Variants in WDR27 observed in about 807,000 individuals in gnomAD.
WDR27 encodes the protein WD repeat domain 27.
Under a neutral mutation model 114.4 loss-of-function variants are expected in WDR27, and 100 were observed. The ratio of observed to expected loss-of-function variants is 0.87; its 90% CI spans 0.74 to 1.03. The LOEUF (loss-of-function observed/expected upper bound fraction) is 1.03. WDR27 is among the 50% of genes least tolerant of loss of function. The pLI is 0.00. For missense variants in WDR27, 1,129 were observed against 1,092.9 expected, an observed-to-expected ratio of 1.03 and a Z score of -0.47; for synonymous variants, 449 against 423.1, an observed-to-expected ratio of 1.06 and a Z score of -0.75.
intron 9 of WDR27, among the ~76,000 whole-genome samples, chr6:169,661,039 C>T (rs1013327246): frequency 6.6e-6 from 1 of 152,138 alleles, no homozygotes; most frequent in Non-Finnish European, 1.5e-5. Context: ...CCTGGCCTGG[C>T]TGTGAGCTCT....
intron 25 of WDR27, among the ~76,000 whole-genome samples, chr6:169,465,629 A>G (rs1785484295): frequency 6.6e-6 from 1 of 152,248 alleles, no homozygotes; most frequent in Non-Finnish European, 1.5e-5. Context: ...AACAGCTAAA[A>G]CATGGAGGCA....
intron 25 of WDR27, among the ~76,000 whole-genome samples, chr6:169,490,949 A>G (rs1472235897): frequency 6.6e-6 from 1 of 152,130 alleles, no homozygotes; most frequent in Non-Finnish European, 1.5e-5. Flanking sequence ...CCCCAATGCC[A>G]CACCCTACTT....
At position 169,611,481 on chromosome 6, in the gene WDR27, T is replaced by C. The variant is rs550282129; in HGVS notation, c.2321+2078A>G. ...CCACCACACCTGGATAATTATCGTA[T>C]TTTTAGTAGAGATGCGGTTTCACCA... is the stretch of plus-strand genomic sequence containing the variant. On this transcript the variant is annotated intron_variant, in intron 22 of 25. Coordinates refer to ENST00000448612, the MANE Select transcript of WDR27 (RefSeq NM_182552.5). Among the ~76,000 whole-genome samples the C allele has an allele frequency of 2.0e-5, 3 of 152,062 alleles. No individual in the cohort carries two copies. In the South Asian group the frequency reaches 6.3e-4, roughly 32 times the overall value.
Position 169,459,556 on chromosome 6 carries a change from TATATAAATGTATAC to T in WDR27, c.2646-1936_2646-1923del, listed in dbSNP as rs771956103. ...ATGTATATATATACATTTATATATG[TATATAAATGTATAC>T]ATATAAATGTATATCCAAGAAGTTC... is the stretch of plus-strand genomic sequence containing the variant. On this transcript the variant is annotated intron_variant, in intron 25 of 25. Transcript: ENST00000448612. 4.1e-4 allele frequency among the ~76,000 whole-genome samples: 62 copies of T among 151,680 alleles called. 1 individual carries two copies. The highest frequency in any genetic ancestry group is 2.8e-4 in the Non-Finnish European group (19 of 67,912).
chr6:169,514,614 T>C (rs968265308), intron 25 of WDR27, among the ~76,000 whole-genome samples: 2 of 148,260 alleles, frequency 1.3e-5, no homozygotes, highest in Non-Finnish European at 3.0e-5. Flanking sequence ...AATTTTTTAA[T>C]AAAAAATGAT....
At chr6:169,494,898 A>C (rs1456441643) in intron 25 of WDR27, among the ~76,000 whole-genome samples, 1 of 152,210 alleles carries the variant, frequency 6.6e-6, no homozygotes, top group Non-Finnish European at 1.5e-5. Context: ...TCCAGTCAAC[A>C]CTGTTTTTCA....
At chr6:169,488,941 GC>G (rs201164503) in intron 25 of WDR27, among the ~76,000 whole-genome samples, 1 of 121,658 alleles carries the variant, frequency 8.2e-6, no homozygotes, top group East Asian at 2.0e-4. Flanking sequence ...CACATTTGAT[GC>G]CCCCTTTTTT....
chr6:169,538,744 T>TTA lies in WDR27; in HGVS notation c.2645+33673_2645+33674dup, dbSNP rs138847890. On this transcript the variant is annotated intron_variant, in intron 25 of 25. Coordinates refer to ENST00000448612, the MANE Select transcript of WDR27 (RefSeq NM_182552.5). ...CACACACACACACACACAAACACACTTATATATATATATGTGCATGTATAT... is the reference window on the plus strand; with the variant it reads ...CACACACACACACACACAAACACACTTATATATATATATATGTGCATGTATAT... Among the ~76,000 whole-genome samples, 126 of 132,324 alleles carry TTA rather than the reference T, an allele frequency of 9.5e-4. 1 individual carries two copies. Among genetic ancestry groups the TTA allele is most frequent in the Admixed American group, 5.7e-3 (67 of 11,738 alleles). The allele number at this position is 132,324 out of a possible 152,430, so 86.8% of individuals were successfully genotyped here. A position where few individuals can be genotyped will look rare whatever the true frequency, so the allele number is the denominator to read the frequency against.
chr6:169,514,641 T>A (rs1793391770), intron 25 of WDR27, among the ~76,000 whole-genome samples: 1 of 148,456 alleles, frequency 6.7e-6, no homozygotes, highest in South Asian at 2.1e-4. Flanking sequence ...AATCCCTCAA[T>A]ATTTTAAAAG....
At chr6:169,613,027 T>C (rs1297555287) in intron 22 of WDR27, among the ~76,000 whole-genome samples, 1 of 152,246 alleles carries the variant, frequency 6.6e-6, no homozygotes, top group Non-Finnish European at 1.5e-5. Context: ...AAAACTAAGG[T>C]GCTTTCTAAC....
At chr6:169,462,168 G>A (rs890162341) in intron 25 of WDR27, among the ~76,000 whole-genome samples, 1 of 151,788 alleles carries the variant, frequency 6.6e-6, no homozygotes. Context: ...AAAAATCTTA[G>A]GCTGGGCACG....
rs146216281 is a variant in WDR27, at chr6:169,641,093, G to C, written c.1748-2433C>G. 2.3e-3 allele frequency among the ~76,000 whole-genome samples: 344 copies of C among 152,328 alleles called. 1 individual carries two copies. Among genetic ancestry groups the C allele is most frequent in the African/African-American group, 7.9e-3 (330 of 41,572 alleles). On this transcript the variant is annotated intron_variant, in intron 17 of 25. Transcript: ENST00000448612. ...GCCAGCAGAGGCACCGGCAATGCAG[G>C]GGTTGCGAAGTGCCACCTTCTGCTC...
At chr6:169,500,659 C>G (rs145958645) in intron 25 of WDR27, among the ~76,000 whole-genome samples, 1 of 152,272 alleles carries the variant, frequency 6.6e-6, no homozygotes, top group Non-Finnish European at 1.5e-5. Flanking sequence ...GTATGGCTGC[C>G]CAGTGCTAGG....
At chr6:169,466,122 A>G (rs1785549862) in intron 25 of WDR27, among the ~76,000 whole-genome samples, 1 of 152,222 alleles carries the variant, frequency 6.6e-6, no homozygotes, top group Non-Finnish European at 1.5e-5. Context: ...AGCCCAGAAC[A>G]TGGGTCTCTT....
chr6:169,637,094 C>T (rs1476768489), intron 18 of WDR27, among the ~76,000 whole-genome samples: 1 of 152,184 alleles, frequency 6.6e-6, no homozygotes, highest in Non-Finnish European at 1.5e-5. Context: ...AAGTCGCCTG[C>T]TCATAATTTC....
chr6:169,464,330 C>G (rs143916118), intron 25 of WDR27, among the ~76,000 whole-genome samples: 2 of 152,252 alleles, frequency 1.3e-5, no homozygotes, highest in Non-Finnish European at 2.9e-5. Flanking sequence ...TAGACATCCA[C>G]ACGCAAAAGA....
chr6:169,594,936 G>C (rs1200164091), intron 23 of WDR27, among the ~76,000 whole-genome samples: 1 of 152,148 alleles, frequency 6.6e-6, no homozygotes, highest in Non-Finnish European at 1.5e-5. Flanking sequence ...AGCACTTTGG[G>C]AGGCTGAGGC....
At position 169,465,387 on chromosome 6, in the gene WDR27, CAAAAT is replaced by C. The variant is rs540812137; in HGVS notation, c.2646-7758_2646-7754del. On this transcript the variant is annotated intron_variant, in intron 25 of 25. Transcript: ENST00000448612. The stretch of plus-strand genomic sequence containing the variant: ...CATTAGGACATGACTATTAAAAAAA[CAAAAT>C]AAAAAGTGTCAGTGAGGCTGTGGAG... Among the ~76,000 whole-genome samples, 651 of 148,662 alleles carry C rather than the reference CAAAAT, an allele frequency of 4.4e-3. 5 individuals carry two copies. Among genetic ancestry groups the C allele is most frequent in the African/African-American group, 0.016 (629 of 40,164 alleles).
At chr6:169,533,854 T>C (rs1350578478) in intron 25 of WDR27, among the ~76,000 whole-genome samples, 1 of 151,000 alleles carries the variant, frequency 6.6e-6, no homozygotes, top group Admixed American at 6.6e-5. Flanking sequence ...TGTGTGCACA[T>C]GTGCACGTGT....
Sources: gnomAD v4.1 joint callset for allele counts (sites outside exome capture counted in the v4.1 genomes callset) on GRCh38, gnomAD v4.1.1 for gene constraint, MANE v1.5 for transcripts, NCBI Gene and HGNC (gene_info 2026-07-23, HGNC 2026-07-21) for gene names.